MAGED1: variants seen among roughly 807,000 people sequenced by gnomAD.
MAGED1 encodes the protein melanoma-associated antigen D1.
Under a neutral mutation model 54.1 loss-of-function variants are expected in MAGED1, and 3 were observed. That is an observed-to-expected ratio of 0.06 (90% CI 0.03 to 0.14). The LOEUF (loss-of-function observed/expected upper bound fraction) is 0.14. Among genes scored for constraint, MAGED1 ranks in the 10% least tolerant of loss-of-function variants. The pLI, the probability that MAGED1 is intolerant of heterozygous loss-of-function variation, is 1.00. For missense variants in MAGED1, 485 were observed against 623.4 expected, an observed-to-expected ratio of 0.78 and a Z score of 2.36; for synonymous variants, 217 against 227.3, an observed-to-expected ratio of 0.95 and a Z score of 0.41.
intron 1 of MAGED1, among the ~76,000 whole-genome samples, chrX:51,868,402 A>T (rs782403869): frequency 6.3e-5 from 7 of 111,127 alleles, no homozygotes; most frequent in Non-Finnish European, 1.1e-4. Flanking sequence ...ATCCTAAGTG[A>T]TGTGGGTCAT....
intron 1 of MAGED1, among the ~76,000 whole-genome samples, chrX:51,855,903 T>C (rs1927069237): frequency 8.9e-6 from 1 of 112,007 alleles, no homozygotes; most frequent in South Asian, 3.8e-4. Context: ...ACTACCTAAC[T>C]AGACACTAAT....
In MAGED1 at chrX:51,873,063, T is replaced by A. The variant is rs183137951; in HGVS notation, c.-36-21206T>A. The stretch of plus-strand genomic sequence containing the variant: ...TCATTGTCAAAAAAAAAAAAATAAA[T>A]AAAAAAATAAAAAGAAAGAGGGTTT... On this transcript the variant is annotated intron_variant, in intron 1 of 12. Transcript: ENST00000375772. 6.0e-4 allele frequency among the ~76,000 whole-genome samples: 66 copies of A among 109,108 alleles called. 1 individual carries two copies. The highest frequency in any genetic ancestry group is 4.5e-3 in the Admixed American group (46 of 10,204). The allele number at this position is 109,108 out of a possible 115,157, so 94.7% of individuals were successfully genotyped here. A position where few individuals can be genotyped will look rare whatever the true frequency, so the allele number is the denominator to read the frequency against.
At chrX:51,856,183 G>A (rs1285935671) in intron 1 of MAGED1, among the ~76,000 whole-genome samples, 1 of 112,068 alleles carries the variant, frequency 8.9e-6, no homozygotes, top group African/African-American at 3.2e-5. Context: ...GGACCTTTCA[G>A]GTGTTTTCAT....
chrX:51,856,302 G>A (rs1440449331), intron 1 of MAGED1, among the ~76,000 whole-genome samples: 1 of 111,966 alleles, frequency 8.9e-6, no homozygotes, highest in Non-Finnish European at 1.9e-5. Context: ...GGGTCAAAAG[G>A]TATGACTATT....
intron 1 of MAGED1, among the ~76,000 whole-genome samples, chrX:51,861,014 G>A (rs996349461): frequency 1.8e-5 from 2 of 110,946 alleles, no homozygotes; most frequent in South Asian, 7.7e-4. Flanking sequence ...TTTCTCAAAT[G>A]TAAAGCTCCT....
chrX:51,878,879 G>T (rs1557362249), intron 1 of MAGED1, among the ~76,000 whole-genome samples: 1 of 111,310 alleles, frequency 9.0e-6, no homozygotes, highest in Non-Finnish European at 1.9e-5. Flanking sequence ...GAGGCTCAGT[G>T]TATATTATCA....
At chrX:51,813,936 CAGT>C (rs1557355791) in intron 1 of MAGED1, among the ~76,000 whole-genome samples, 1 of 111,578 alleles carries the variant, frequency 9.0e-6, no homozygotes, top group African/African-American at 3.3e-5. Context: ...CATTGAGGAA[CAGT>C]AGTATGGGAT....
At position 51,888,244 on chromosome X, in the gene MAGED1, C is replaced by T. The variant is rs1347778694; in HGVS notation, c.-36-6025C>T. 4.5e-5 allele frequency among the ~76,000 whole-genome samples: 5 copies of T among 111,660 alleles called. No individual in the cohort carries two copies. The East Asian group carries it at 8.5e-4, about 19-fold the overall frequency. ...TTTACATTGCATTCCTGTATCAAAA[C>T]GTCTCATGTACCCCATGAATATATA... On this transcript the variant is annotated intron_variant, in intron 1 of 12. Transcript: ENST00000375772.
At chrX:51,841,509 C>T (rs1602229227) in intron 1 of MAGED1, among the ~76,000 whole-genome samples, 1 of 111,028 alleles carries the variant, frequency 9.0e-6, no homozygotes, top group Non-Finnish European at 1.9e-5. Context: ...AAGTCCTTGC[C>T]CATGCCTATG....
At chrX:51,833,517 G>A (rs1469640981) in intron 1 of MAGED1, among the ~76,000 whole-genome samples, 4 of 111,252 alleles carry the variant, frequency 3.6e-5, no homozygotes, top group Admixed American at 1.9e-4. Flanking sequence ...TTCAATACTT[G>A]TAACTAAATT....
chrX:51,890,176 A>G (rs1928385448), upstream of MAGED1, among the ~76,000 whole-genome samples: 2 of 112,097 alleles, frequency 1.8e-5, no homozygotes, highest in African/African-American at 3.2e-5. Flanking sequence ...CCCCAAAAAC[A>G]ACTCTGGGCA....
intron 1 of MAGED1, among the ~76,000 whole-genome samples, chrX:51,831,137 G>A (rs1171957925): frequency 2.7e-5 from 3 of 112,010 alleles, no homozygotes; most frequent in Non-Finnish European, 5.6e-5. Flanking sequence ...GATTACAGGC[G>A]TGAGCCACTG....
intron 1 of MAGED1, among the ~76,000 whole-genome samples, chrX:51,855,889 T>C (rs1338473118): frequency 8.9e-6 from 1 of 111,866 alleles, no homozygotes; most frequent in Admixed American, 9.5e-5. Context: ...GTCATTTTAA[T>C]TTAACTACCT....
chrX:51,871,314 G>A (rs1321741547), intron 1 of MAGED1, among the ~76,000 whole-genome samples: 1 of 106,656 alleles, frequency 9.4e-6, no homozygotes, highest in African/African-American at 3.4e-5. Flanking sequence ...GGGTACATGT[G>A]CACAACGTGC....
chrX:51,812,554 C>A (rs1185692785), intron 1 of MAGED1, among the ~76,000 whole-genome samples: 1 of 111,683 alleles, frequency 9.0e-6, no homozygotes, highest in Non-Finnish European at 1.9e-5. Context: ...ATAGTGTTTT[C>A]AAAGTTTATC....
chrX:51,849,947 T>C (rs1215361838), intron 1 of MAGED1, among the ~76,000 whole-genome samples: 1 of 111,577 alleles, frequency 9.0e-6, no homozygotes, highest in African/African-American at 3.3e-5. Flanking sequence ...AATCTCTTTT[T>C]TTTTAGACAG....
intron 1 of MAGED1, among the ~76,000 whole-genome samples, chrX:51,832,533 C>G (rs1926107308): frequency 9.0e-6 from 1 of 110,601 alleles, no homozygotes; most frequent in Non-Finnish European, 1.9e-5. Context: ...TTTTTTTTAG[C>G]TTCCACATAT....
At chrX:51,844,510 A>G (rs1349599238) in intron 1 of MAGED1, among the ~76,000 whole-genome samples, 2 of 112,110 alleles carry the variant, frequency 1.8e-5, no homozygotes, top group African/African-American at 6.5e-5. Context: ...AATGATGTTA[A>G]AATTTGGAGA....
chrX:51,879,621 G>A (rs1557362317), intron 1 of MAGED1, among the ~76,000 whole-genome samples: 1 of 110,896 alleles, frequency 9.0e-6, no homozygotes, highest in East Asian at 2.8e-4. Flanking sequence ...CATTAATTTT[G>A]GAAAATTCTT....
Sources: gnomAD v4.1 joint callset for allele counts (sites outside exome capture counted in the v4.1 genomes callset) on GRCh38, gnomAD v4.1.1 for gene constraint, MANE v1.5 for transcripts, NCBI Gene and HGNC (gene_info 2026-07-23, HGNC 2026-07-21) for gene names.